The following ADGRL3 variants were observed in gnomAD, a reference collection of about 807,000 sequenced individuals.
ADGRL3 encodes calcium-independent alpha-latrotoxin receptor 3.
Under a neutral mutation model 153.5 loss-of-function variants are expected in ADGRL3, and 62 were observed. The observed-to-expected ratio is 0.40, with a 90% CI of 0.33 to 0.50. The LOEUF (loss-of-function observed/expected upper bound fraction) is 0.50. Ranked by LOEUF, ADGRL3 falls within the 20% of genes least tolerant of loss-of-function variation. The pLI, the probability that ADGRL3 is intolerant of heterozygous loss-of-function variation, is 0.47. For missense variants in ADGRL3, 1,641 were observed against 1,859.4 expected, an observed-to-expected ratio of 0.88 and a Z score of 2.16; for synonymous variants, 710 against 672.5, an observed-to-expected ratio of 1.06 and a Z score of -0.86.
At chr4:61,671,759 G>A (rs539497858) in intron 5 of ADGRL3, among the ~76,000 whole-genome samples, 1 of 152,142 alleles carries the variant, frequency 6.6e-6, no homozygotes, top group Admixed American at 6.5e-5. Context: ...GAACCGATCA[G>A]GTCAGGGTGA....
chr4:61,686,763 A>G (rs1180856354), intron 6 of ADGRL3, among the ~76,000 whole-genome samples: 1 of 152,034 alleles, frequency 6.6e-6, no homozygotes, highest in African/African-American at 2.4e-5. Flanking sequence ...ATCTAATTGT[A>G]ACTTTTTACT....
At chr4:62,008,281 TCTTC>T (rs1280735369) in intron 21 of ADGRL3, among the ~76,000 whole-genome samples, 6 of 152,184 alleles carry the variant, frequency 3.9e-5, no homozygotes, top group African/African-American at 1.4e-4. Flanking sequence ...TGTTACAGTC[TCTTC>T]CTTTTAATTT....
At chr4:61,417,575 GA>G (rs1050604705) in intron 2 of ADGRL3, among the ~76,000 whole-genome samples, 130 of 138,902 alleles carry the variant, frequency 9.4e-4, no homozygotes, top group East Asian at 4.0e-3. Flanking sequence ...CACTGGTTTC[GA>G]AAAAAAAAAA....
At chr4:61,239,600 A>G (rs972731117) in intron 1 of ADGRL3, among the ~76,000 whole-genome samples, 2 of 152,064 alleles carry the variant, frequency 1.3e-5, no homozygotes, top group Admixed American at 6.6e-5. Context: ...CTGCCTCCCC[A>G]CTTAAATACA....
chr4:61,805,758 C>T (rs1285450579), intron 8 of ADGRL3, among the ~76,000 whole-genome samples: 1 of 152,036 alleles, frequency 6.6e-6, no homozygotes, highest in East Asian at 1.9e-4. Context: ...GAGAAAAGTA[C>T]ATTAGGAGAG....
chr4:61,444,547 C>A (rs1239491728), intron 2 of ADGRL3, among the ~76,000 whole-genome samples: 1 of 152,056 alleles, frequency 6.6e-6, no homozygotes, highest in East Asian at 1.9e-4. Context: ...CAAGTTATAT[C>A]CTTTATCATC....
intron 8 of ADGRL3, among the ~76,000 whole-genome samples, chr4:61,803,636 G>A (rs866120172): frequency 2.0e-5 from 3 of 151,938 alleles, no homozygotes; most frequent in Non-Finnish European, 4.4e-5. Context: ...TTATTCCTAC[G>A]TTAACTTGAA....
chr4:61,410,915 A>G (rs1300533464), intron 2 of ADGRL3, among the ~76,000 whole-genome samples: 1 of 152,150 alleles, frequency 6.6e-6, no homozygotes, highest in Non-Finnish European at 1.5e-5. Context: ...GTAACTGAGA[A>G]CCCATCCTAT....
chr4:61,833,353 C>T (rs1194283048), intron 9 of ADGRL3, among the ~76,000 whole-genome samples: 1 of 152,092 alleles, frequency 6.6e-6, no homozygotes, highest in Non-Finnish European at 1.5e-5. Flanking sequence ...AGGGGAATTG[C>T]AATAGAGAAA....
chr4:61,607,884 C>T (rs1318827066), intron 5 of ADGRL3, among the ~76,000 whole-genome samples: 1 of 152,130 alleles, frequency 6.6e-6, no homozygotes, highest in Non-Finnish European at 1.5e-5. Context: ...CTAAATTCCT[C>T]CTGTGGTTAG....
Position 61,342,826 on chromosome 4 carries a change from T to C in ADGRL3, c.-239-40298T>C, listed in dbSNP as rs1193348666. On this transcript the variant is annotated intron_variant, in intron 1 of 26. Coordinates refer to ENST00000683033, the MANE Select transcript of ADGRL3 (RefSeq NM_001387552.1). ...CTCTAGTAGCCTCACCACTCTGCCA[T>C]GATTTTCCTTGTTTTAGTCTGTTCT... Among the ~76,000 whole-genome samples the C allele has an allele frequency of 5.3e-5, 8 of 152,300 alleles. No individual in the cohort carries two copies. The South Asian group carries it at 1.7e-3, about 32-fold the overall frequency.
chr4:61,677,216 G>T lies in ADGRL3; in HGVS notation c.583+281G>T. The T allele has an allele frequency of 3.0e-5, 10 of 335,554 alleles. No individual in the cohort carries two copies. In the South Asian group the frequency reaches 3.1e-4, roughly 10 times the overall value. The allele number at this position is 335,554 out of a possible 1,614,324, so 20.8% of individuals were successfully genotyped here. A position where few individuals can be genotyped will look rare whatever the true frequency, so the allele number is the denominator to read the frequency against. On this transcript the variant is annotated intron_variant, in intron 6 of 26. Coordinates refer to ENST00000683033, the MANE Select transcript of ADGRL3 (RefSeq NM_001387552.1). The stretch of plus-strand genomic sequence containing the variant: ...AAGAATATAAAACATTTAGAAAAAG[G>T]TTGGGGGAGTGTTATACCAATTCTC...
chr4:61,561,883 T>A (rs1248864752), intron 4 of ADGRL3, among the ~76,000 whole-genome samples: 1 of 152,064 alleles, frequency 6.6e-6, no homozygotes, highest in African/African-American at 2.4e-5. Context: ...TAAGCAATCG[T>A]ACCACCTCAG....
intron 5 of ADGRL3, among the ~76,000 whole-genome samples, chr4:61,612,083 G>C (rs115767292): frequency 0.018 from 2,672 of 152,152 alleles, 78 homozygotes; most frequent in African/African-American, 0.061. Flanking sequence ...AATAGGACTT[G>C]CTTAATTTTT....
intron 2 of ADGRL3, among the ~76,000 whole-genome samples, chr4:61,417,512 A>T (rs926097939): frequency 9.2e-5 from 14 of 151,938 alleles, no homozygotes; most frequent in African/African-American, 3.4e-4. Context: ...AAAAAAAACA[A>T]ACATCAAACA....
intron 25 of ADGRL3, among the ~76,000 whole-genome samples, chr4:62,064,613 A>C (rs1323824232): frequency 1.3e-5 from 2 of 151,944 alleles, no homozygotes; most frequent in Non-Finnish European, 2.9e-5. Context: ...GCAGTATTTA[A>C]ATTTTCTGGG....
At chr4:61,922,699 T>C (rs1177492885) in intron 13 of ADGRL3, among the ~76,000 whole-genome samples, 1 of 152,180 alleles carries the variant, frequency 6.6e-6, no homozygotes, top group African/African-American at 2.4e-5. Flanking sequence ...AAGCGTAGAT[T>C]TATTCATTCA....
intron 2 of ADGRL3, among the ~76,000 whole-genome samples, chr4:61,412,567 C>T (rs1013048832): frequency 1.3e-5 from 2 of 152,200 alleles, no homozygotes; most frequent in Non-Finnish European, 2.9e-5. Flanking sequence ...CCTACCACAA[C>T]TGGAATGGTA....
At chr4:62,063,407 ATTG>A (rs1195284550) in intron 25 of ADGRL3, 1 of 555,702 alleles carries the variant, frequency 1.8e-6, no homozygotes, top group East Asian at 2.9e-5. Flanking sequence ...GACTGTATCA[ATTG>A]TTGTCATTCT....
Sources: allele counts gnomAD v4.1 joint callset (sites outside exome capture counted in the v4.1 genomes callset), GRCh38; gene constraint gnomAD v4.1.1; transcripts MANE v1.5; gene names NCBI Gene and HGNC (gene_info 2026-07-23, HGNC 2026-07-21).